ADGRG5: variants seen among roughly 807,000 people sequenced by gnomAD.
ADGRG5 encodes adhesion G protein-coupled receptor G5.
Under a neutral mutation model 53.2 loss-of-function variants are expected in ADGRG5, and 37 were observed. The ratio of observed to expected loss-of-function variants is 0.70; its 90% CI spans 0.53 to 0.91. The LOEUF (loss-of-function observed/expected upper bound fraction) is 0.91. Among genes scored for constraint, ADGRG5 ranks in the 40% least tolerant of loss-of-function variants. The pLI is 0.00. For missense variants in ADGRG5, 614 were observed against 675.8 expected (o/e 0.91, Z 1.01); for synonymous variants, 277 against 290.4 (o/e 0.95, Z 0.47).
intron 1 of ADGRG5, among the ~76,000 whole-genome samples, chr16:57,544,350 G>T (rs1405613805): frequency 6.6e-6 from 1 of 152,146 alleles, no homozygotes; most frequent in African/African-American, 2.4e-5. Flanking sequence ...CTCAGCGTGT[G>T]GGGGGATGGT....
At chr16:57,568,892 C>G (rs1484758573) in intron 9 of ADGRG5, among the ~76,000 whole-genome samples, 1 of 149,928 alleles carries the variant, frequency 6.7e-6, no homozygotes, top group Non-Finnish European at 1.5e-5. Flanking sequence ...TCCTCCACCT[C>G]TATCACCTCC....
intron 5 of ADGRG5, 135 bp from the exon 6 acceptor site, chr16:57,564,899 G>T: frequency 1.6e-6 from 1 of 641,602 alleles, no homozygotes; most frequent in East Asian, 2.6e-5. Flanking sequence ...TGGGAGGCTG[G>T]GAGGCTGAGA....
chr16:57,534,368 A>G, the ADGRG5 span, among the ~76,000 whole-genome samples: 2 of 152,192 alleles, frequency 1.3e-5, no homozygotes, highest in Non-Finnish European at 2.9e-5. Context: ...TTGAGCTGAC[A>G]CTTGCTGCAG....
Position 57,567,904 on chromosome 16 carries a change from C to G in ADGRG5, c.870C>G (p.Ser290=), listed in dbSNP as rs778334389. ...LTRIHMNLHA[S]VLLLNIAFLL... is the part of the protein sequence containing the mutation. ...GCATCCACATGAACCTGCATGCCTC[C>G]GTGCTGCTCCTGAACATCGCCTTCC... The change falls in exon 9 of 12, where the codon TCC becomes TCG. Residue 290 remains serine, a synonymous_variant. Coordinates refer to ENST00000349457, the MANE Select transcript of ADGRG5 (RefSeq NM_001304376.3). The G allele has an allele frequency of 5.0e-6, 8 of 1,613,150 alleles. No homozygotes were observed. In the East Asian group the frequency reaches 8.9e-5, roughly 18 times the overall value.
chr16:57,562,044 C>A lies in ADGRG5; in HGVS notation c.-38-12C>A. On this transcript the variant is annotated splice_polypyrimidine_tract_variant and intron_variant, in intron 1 of 11. Transcript: ENST00000349457. ...CTTTTATCATCATGGTGATGGCATGCACCTTTTTCAGGGCCGGAGCCAGTT... is the reference window on the plus strand; with the variant it reads ...CTTTTATCATCATGGTGATGGCATGAACCTTTTTCAGGGCCGGAGCCAGTT... The A allele has an allele frequency of 1.4e-6, 2 of 1,450,138 alleles. No individual in the cohort carries two copies. The highest frequency in any genetic ancestry group is 1.4e-5 in the South Asian group (1 of 73,412). 89.8% of individuals were successfully genotyped at this position (1,450,138 alleles called of 1,614,324 possible).
intron 1 of ADGRG5, among the ~76,000 whole-genome samples, chr16:57,561,500 T>C (rs774711423): frequency 1.6e-4 from 24 of 152,236 alleles, no homozygotes; most frequent in Admixed American, 1.3e-3. Flanking sequence ...TGTACTGTTT[T>C]TCATGCCTCT....
In ADGRG5 at chr16:57,571,188, C is replaced by T. The variant is rs139761603; in HGVS notation, c.1208+653C>T. 1.9e-3 allele frequency among the ~76,000 whole-genome samples: 284 copies of T among 152,324 alleles called. 2 individuals carry two copies. The highest frequency in any genetic ancestry group is 6.8e-3 in the Middle Eastern group (2 of 294). Reference sequence around the variant, plus strand: ...CACTCACTTGCAGTTGGCTGTGGAACCTTTTTCCTTCTTGGCTGATGCAGG... The same window carrying T: ...CACTCACTTGCAGTTGGCTGTGGAATCTTTTTCCTTCTTGGCTGATGCAGG... On this transcript the variant is annotated intron_variant, in intron 10 of 11. Transcript: ENST00000349457.
chr16:57,558,144 G>A (rs1441980317), intron 1 of ADGRG5, among the ~76,000 whole-genome samples: 1 of 152,152 alleles, frequency 6.6e-6, no homozygotes, highest in African/African-American at 2.4e-5. Flanking sequence ...TTATTTATCT[G>A]TTTATTTAGA....
chr16:57,536,996 G>T, the ADGRG5 span, among the ~76,000 whole-genome samples: 3 of 152,214 alleles, frequency 2.0e-5, no homozygotes, highest in Admixed American at 6.5e-5. Flanking sequence ...CCACCGAGTG[G>T]AAGTGGGCCA....
At chr16:57,556,055 C>T (rs554201524) in intron 1 of ADGRG5, among the ~76,000 whole-genome samples, 1 of 152,274 alleles carries the variant, frequency 6.6e-6, no homozygotes, top group East Asian at 1.9e-4. Context: ...CCCAGCCATG[C>T]CTGTGGAACT....
chr16:57,545,665 G>A (rs1344667740), intron 1 of ADGRG5, among the ~76,000 whole-genome samples: 1 of 152,194 alleles, frequency 6.6e-6, no homozygotes, highest in African/African-American at 2.4e-5. Flanking sequence ...TAAGAGCAGA[G>A]CTTCCACTTT....
intron 10 of ADGRG5, among the ~76,000 whole-genome samples, chr16:57,571,851 G>T (rs1472589341): frequency 6.6e-6 from 1 of 151,772 alleles, no homozygotes; most frequent in African/African-American, 2.4e-5. Context: ...CAGCATGTTG[G>T]CCAGACTGGT....
rs1346310140 is a variant in ADGRG5 at position 57,574,143 on chromosome 16, G to A, written c.1209-672G>A. On this transcript the variant is annotated intron_variant, in intron 10 of 11. Transcript: ENST00000349457. The surrounding 1 kb of genome is among the most constrained non-coding windows in gnomAD (Gnocchi z 4.4). ...ATCTGTCTTGAAGGTGTCTTGGGGA[G>A]GCAAAGGGCAGAGGCCTCCGGGAGG... 6.6e-6 allele frequency among the ~76,000 whole-genome samples: 1 copy of A among 152,260 alleles called. No individual in the cohort carries two copies. Among genetic ancestry groups the A allele is most frequent in the Non-Finnish European group, 1.5e-5 (1 of 68,050 alleles).
the ADGRG5 span, among the ~76,000 whole-genome samples, chr16:57,533,046 C>A: frequency 6.6e-6 from 1 of 152,206 alleles, no homozygotes; most frequent in Non-Finnish European, 1.5e-5. Flanking sequence ...GGAATCCAAG[C>A]CTGTTGGGCA....
chr16:57,554,811 T>C (rs1284949063), intron 1 of ADGRG5, among the ~76,000 whole-genome samples: 1 of 152,248 alleles, frequency 6.6e-6, no homozygotes, highest in Non-Finnish European at 1.5e-5. Flanking sequence ...TTTAATGCTA[T>C]AAATTTTTCT....
intron 1 of ADGRG5, among the ~76,000 whole-genome samples, chr16:57,555,656 G>T (rs1159674130): frequency 2.0e-5 from 3 of 152,140 alleles, no homozygotes; most frequent in Non-Finnish European, 4.4e-5. Context: ...ACACATTAAA[G>T]ATTGTTACAT....
At chr16:57,530,135 T>G in the ADGRG5 span, among the ~76,000 whole-genome samples, 17 of 152,320 alleles carry the variant, frequency 1.1e-4, no homozygotes, top group Admixed American at 9.1e-4. Context: ...AAAGGGCTTC[T>G]GAGAGTGCAG....
chr16:57,562,668 G>A, intron 3 of ADGRG5: 1 of 579,810 alleles, frequency 1.7e-6, no homozygotes, highest in East Asian at 2.9e-5. Context: ...AATCATAGAT[G>A]TCATGACACT....
In ADGRG5 at chr16:57,575,471, G is replaced by A. The variant is rs1248363404; in HGVS notation, c.1520G>A (p.Arg507Gln). 17 of 1,614,042 alleles carry A rather than the reference G, an allele frequency of 1.1e-5. No individual in the cohort carries two copies. Among genetic ancestry groups the A allele is most frequent in the African/African-American group, 5.3e-5 (4 of 74,932 alleles). ...CTTTTCCTGTGGTTCTGCTCCCAGC[G>A]GTGCCGCTCAGAAGCAGAGGCCAAG... ...FFLFLWFCSQRCRSEAEAKAQ... is the reference protein window; with the variant it reads ...FFLFLWFCSQQCRSEAEAKAQ... The change falls in exon 12 of 12, where the codon CGG becomes CAG. Residue 507 changes from arginine to glutamine, a missense_variant. Arg to Gln is a conservative substitution (Grantham distance 43). Transcript: ENST00000349457.
Sources: allele counts gnomAD v4.1 joint callset (sites outside exome capture counted in the v4.1 genomes callset), GRCh38; gene constraint gnomAD v4.1.1; non-coding constraint Gnocchi (gnomAD v3.1); transcripts MANE v1.5; gene names NCBI Gene and HGNC (gene_info 2026-07-23, HGNC 2026-07-21).